Variants in CDKAL1 observed in about 807,000 individuals in gnomAD.
The protein encoded by CDKAL1 is CDKAL1 threonylcarbamoyladenosine tRNA methylthiotransferase.
A neutral mutation model predicts 68.2 loss-of-function variants in CDKAL1; 32 were observed. That is an observed-to-expected ratio of 0.47 (90% CI 0.35 to 0.63). The LOEUF (loss-of-function observed/expected upper bound fraction) is 0.63, where lower values mean the gene tolerates loss of function less well. CDKAL1 is among the 30% of genes least tolerant of loss of function. The pLI is 0.00. For synonymous variants in CDKAL1, 234 were observed against 244.3 expected, an observed-to-expected ratio of 0.96 and a Z score of 0.39; for missense variants, 606 against 696.7, an observed-to-expected ratio of 0.87 and a Z score of 1.47.
At chr6:20,819,725 T>G (rs150979232) in intron 8 of CDKAL1, among the ~76,000 whole-genome samples, 1 of 152,324 alleles carries the variant, frequency 6.6e-6, no homozygotes, top group East Asian at 1.9e-4. Flanking sequence ...TGTGAAAATA[T>G]TTTCAAATGT....
rs6925617 is a variant in CDKAL1 at position 21,044,379 on chromosome 6, G to A, written c.1056-20669G>A. 6.4e-3 allele frequency among the ~76,000 whole-genome samples: 973 copies of A among 152,214 alleles called. 7 individuals are homozygous for A. Among genetic ancestry groups the A allele is most frequent in the African/African-American group, 0.021 (893 of 41,540 alleles). ...ATCATTGATGGGATTGAATCAAATT[G>A]TCTTTAACTCAAGCCTTCATTCTAA... On this transcript the variant is annotated intron_variant, in intron 11 of 15. Coordinates refer to ENST00000274695, the MANE Select transcript of CDKAL1 (RefSeq NM_017774.3).
chr6:20,805,036 G>T (rs1282085010), intron 8 of CDKAL1, among the ~76,000 whole-genome samples: 1 of 152,032 alleles, frequency 6.6e-6, no homozygotes, highest in African/African-American at 2.4e-5. Context: ...AAAAAACAAA[G>T]AAAGAAAAAT....
chr6:21,164,278 T>C (rs553428697), intron 13 of CDKAL1, among the ~76,000 whole-genome samples: 2 of 152,160 alleles, frequency 1.3e-5, no homozygotes, highest in East Asian at 3.9e-4. Context: ...GTACACAACC[T>C]TATAAACAAG....
At chr6:20,708,940 G>C (rs1026783542) in intron 5 of CDKAL1, among the ~76,000 whole-genome samples, 1 of 151,970 alleles carries the variant, frequency 6.6e-6, no homozygotes, top group African/African-American at 2.4e-5. Flanking sequence ...GTCAAACATT[G>C]GTCATGATAG....
chr6:20,873,353 A>G (rs776297122), intron 9 of CDKAL1, among the ~76,000 whole-genome samples: 10 of 152,176 alleles, frequency 6.6e-5, no homozygotes, highest in African/African-American at 1.9e-4. Context: ...ACCTGGAAGT[A>G]TGCATTTATA....
chr6:21,012,828 A>G lies in CDKAL1; in HGVS notation c.1055+12456A>G, dbSNP rs149293036. Among the ~76,000 whole-genome samples the G allele has an allele frequency of 6.6e-5, 10 of 152,254 alleles. No individual in the cohort carries two copies. In the East Asian group the frequency reaches 1.9e-3, roughly 29 times the overall value. ...GTGGGTTCTAATACTTCCTTCTCGT[A>G]CCAGCATGAGCCCCGGCAATTGCTT... is the stretch of plus-strand genomic sequence containing the variant. On this transcript the variant is annotated intron_variant, in intron 11 of 15. Coordinates refer to ENST00000274695, the MANE Select transcript of CDKAL1 (RefSeq NM_017774.3).
At chr6:21,153,565 C>T (rs1338208823) in intron 13 of CDKAL1, among the ~76,000 whole-genome samples, 1 of 152,094 alleles carries the variant, frequency 6.6e-6, no homozygotes, top group Non-Finnish European at 1.5e-5. Flanking sequence ...AAGGAGCTGG[C>T]TTTGCTTAGG....
intron 13 of CDKAL1, among the ~76,000 whole-genome samples, chr6:21,164,577 C>A (rs1175558133): frequency 2.0e-5 from 3 of 152,182 alleles, no homozygotes; most frequent in Admixed American, 2.0e-4. Flanking sequence ...GCCATTTATG[C>A]CTAATATTGC....
chr6:20,762,659 G>T (rs1047003370), intron 7 of CDKAL1, among the ~76,000 whole-genome samples: 8 of 152,144 alleles, frequency 5.3e-5, no homozygotes, highest in African/African-American at 1.7e-4. Flanking sequence ...GCTTAAAATG[G>T]TCAGGATTAA....
intron 5 of CDKAL1, among the ~76,000 whole-genome samples, chr6:20,700,958 T>G (rs1771326424): frequency 6.6e-6 from 1 of 152,020 alleles, no homozygotes; most frequent in Admixed American, 6.5e-5. Flanking sequence ...TTTTTAGACT[T>G]AGGAGCATAT....
At chr6:21,141,130 A>C (rs1402135814) in intron 13 of CDKAL1, among the ~76,000 whole-genome samples, 1 of 152,096 alleles carries the variant, frequency 6.6e-6, no homozygotes, top group Admixed American at 6.5e-5. Flanking sequence ...CCATATCACT[A>C]CACAAGCCTT....
intron 2 of CDKAL1, 35 bp from the exon 3 acceptor site, chr6:20,546,311 A>G: frequency 2.0e-6 from 3 of 1,512,102 alleles, no homozygotes; most frequent in South Asian, 2.4e-5. Flanking sequence ...GCAGATTTTC[A>G]TAAGTTGATT....
intron 8 of CDKAL1, among the ~76,000 whole-genome samples, chr6:20,826,567 A>T (rs963286624): frequency 1.3e-5 from 2 of 152,120 alleles, no homozygotes; most frequent in Non-Finnish European, 2.9e-5. Flanking sequence ...GACTGGTGCC[A>T]GACTCAGTGT....
intron 5 of CDKAL1, among the ~76,000 whole-genome samples, chr6:20,712,419 C>T (rs1771888383): frequency 6.6e-6 from 1 of 151,298 alleles, no homozygotes; most frequent in Non-Finnish European, 1.5e-5. Flanking sequence ...CAAAACTTAG[C>T]CATGATGGTG....
At chr6:20,605,694 C>T (rs371835034) in intron 4 of CDKAL1, among the ~76,000 whole-genome samples, 4 of 152,148 alleles carry the variant, frequency 2.6e-5, no homozygotes, top group African/African-American at 9.7e-5. Context: ...TAATTATTCC[C>T]TGCTACTGAG....
intron 15 of CDKAL1, among the ~76,000 whole-genome samples, chr6:21,228,426 C>T (rs1779832666): frequency 6.6e-6 from 1 of 152,122 alleles, no homozygotes; most frequent in Non-Finnish European, 1.5e-5. Flanking sequence ...ATTAATCAAC[C>T]TCTTAATTCT....
At chr6:21,046,234 A>G (rs2150903864) in intron 11 of CDKAL1, among the ~76,000 whole-genome samples, 1 of 152,310 alleles carries the variant, frequency 6.6e-6, no homozygotes, top group South Asian at 2.1e-4. Context: ...CATGTGACTA[A>G]TGTTATTTCC....
chr6:21,071,294 C>T (rs1771757107), intron 12 of CDKAL1, among the ~76,000 whole-genome samples: 1 of 152,070 alleles, frequency 6.6e-6, no homozygotes, highest in Admixed American at 6.5e-5. Context: ...TGAGTGAGTT[C>T]TCACAAGATC....
chr6:21,014,899 A>C (rs1768239599), intron 11 of CDKAL1, among the ~76,000 whole-genome samples: 1 of 152,208 alleles, frequency 6.6e-6, no homozygotes, highest in Non-Finnish European at 1.5e-5. Context: ...GCAAGACTTA[A>C]AGAAATTTAA....
Sources: allele counts gnomAD v4.1 joint callset (sites outside exome capture counted in the v4.1 genomes callset), GRCh38; gene constraint gnomAD v4.1.1; transcripts MANE v1.5; gene names NCBI Gene and HGNC (gene_info 2026-07-23, HGNC 2026-07-21).